TTC7B: variants seen among roughly 807,000 people sequenced by gnomAD.
TTC7B encodes the protein tetratricopeptide repeat protein 7B.
A neutral mutation model predicts 106.8 loss-of-function variants in TTC7B; 28 were observed. The observed-to-expected ratio is 0.26, with a 90% CI of 0.19 to 0.36. The LOEUF is 0.36. Among genes scored for constraint, TTC7B ranks in the 10% least tolerant of loss-of-function variants. The probability of loss-of-function intolerance (pLI) is 1.00; values close to 1 mark genes in which losing one functional copy is unlikely to be tolerated. For missense variants in TTC7B, 862 were observed against 1,076.4 expected (o/e 0.80, Z 2.79); for synonymous variants, 405 against 430.6 (o/e 0.94, Z 0.74).
At chr14:90,696,120 G>A (rs1423170708) in intron 5 of TTC7B, among the ~76,000 whole-genome samples, 1 of 152,094 alleles carries the variant, frequency 6.6e-6, no homozygotes, top group Non-Finnish European at 1.5e-5. Flanking sequence ...CCACACTGAC[G>A]AAAAAGAAGC....
intron 1 of TTC7B, among the ~76,000 whole-genome samples, chr14:90,790,369 T>A (rs1891544004): frequency 6.6e-6 from 1 of 151,948 alleles, no homozygotes; most frequent in African/African-American, 2.4e-5. Context: ...TACTTCTGAG[T>A]GGTAAGACTA....
chr14:90,742,512 T>C lies in TTC7B; in HGVS notation c.576+2280A>G, dbSNP rs995995897. Among the ~76,000 whole-genome samples, 1 of 152,168 alleles carries C rather than the reference T, an allele frequency of 6.6e-6. No individual in the cohort carries two copies. Among genetic ancestry groups the C allele is most frequent in the Admixed American group, 6.5e-5 (1 of 15,272 alleles). On this transcript the variant is annotated intron_variant, in intron 4 of 19. Coordinates refer to ENST00000328459, the MANE Select transcript of TTC7B (RefSeq NM_001010854.2). The surrounding 1 kb of genome is among the most constrained non-coding windows in gnomAD (Gnocchi z 4.1). ...TGAGCACTTTCTCTAAGTAAGAGTG[T>C]GGAGAAATGTCATGCTTTTTCTTTG... is the stretch of plus-strand genomic sequence containing the variant.
rs1364170982 is a variant in TTC7B, at chr14:90,600,060, G to A, written c.1967-6434C>T. On this transcript the variant is annotated intron_variant, in intron 17 of 19. Coordinates refer to ENST00000328459, the MANE Select transcript of TTC7B (RefSeq NM_001010854.2). This position sits in a 1 kb window ranked among gnomAD's most constrained non-coding sequence, Gnocchi z 4.3. ...TGTGCTTGAAGAACCAGAATGTCCT[G>A]GGGGCTGAGGACGGGAGGAGGCGAA... Among the ~76,000 whole-genome samples, 1 of 152,196 alleles carries A rather than the reference G, an allele frequency of 6.6e-6. No homozygotes were observed. Among genetic ancestry groups the A allele is most frequent in the East Asian group, 1.9e-4 (1 of 5,196 alleles).
At chr14:90,800,068 G>A (rs142910139) in intron 1 of TTC7B, among the ~76,000 whole-genome samples, 2,542 of 152,114 alleles carry the variant, frequency 0.017, 40 homozygotes, top group Middle Eastern at 0.031. Flanking sequence ...TCCTGACCTC[G>A]TGATCCACCC....
chr14:90,790,910 C>T (rs2140045578), intron 1 of TTC7B, among the ~76,000 whole-genome samples: 1 of 152,220 alleles, frequency 6.6e-6, no homozygotes, highest in Non-Finnish European at 1.5e-5. Flanking sequence ...AGGAACAGCA[C>T]AACCAAAGCC....
In TTC7B at chr14:90,759,137, T is replaced by TCCCACTCCGA. The variant is rs149285425; in HGVS notation, c.446-14225_446-14216dup. Among the ~76,000 whole-genome samples the TCCCACTCCGA allele has an allele frequency of 0.018, 2,679 of 152,016 alleles. 35 individuals are homozygous for TCCCACTCCGA. Among genetic ancestry groups the TCCCACTCCGA allele is most frequent in the East Asian group, 0.065 (334 of 5,136 alleles). On this transcript the variant is annotated intron_variant, in intron 3 of 19. Transcript: ENST00000328459. The surrounding 1 kb of genome is among the most constrained non-coding windows in gnomAD (Gnocchi z 4.1). Reference sequence around the variant, plus strand: ...CCCCAGCTTCCTTCCTGCTCTTCTGTCCCACTCCGACCCACTCCGGAGAGC... The same window carrying TCCCACTCCGA: ...CCCCAGCTTCCTTCCTGCTCTTCTGTCCCACTCCGACCCACTCCGACCCACTCCGGAGAGC...
At chr14:90,619,545 G>C (rs1362154425) in intron 15 of TTC7B, among the ~76,000 whole-genome samples, 1 of 152,176 alleles carries the variant, frequency 6.6e-6, no homozygotes, top group Non-Finnish European at 1.5e-5. Flanking sequence ...CATATTAGCT[G>C]GCATTTGTTG....
chr14:90,756,247 A>G (rs996483574), intron 3 of TTC7B, among the ~76,000 whole-genome samples: 3 of 152,298 alleles, frequency 2.0e-5, no homozygotes, highest in Middle Eastern at 3.4e-3. Flanking sequence ...CTAGGCACCA[A>G]CTGCGGGCAG....
Position 90,608,189 on chromosome 14 carries a change from G to A in TTC7B, c.1966+2553C>T, listed in dbSNP as rs1892725732. Among the ~76,000 whole-genome samples, 1 of 152,182 alleles carries A rather than the reference G, an allele frequency of 6.6e-6. No individual in the cohort carries two copies. The highest frequency in any genetic ancestry group is 2.4e-5 in the African/African-American group (1 of 41,430). ...CAACTGGGCTTTATTAATCAAGATG[G>A]AGGCATTTTTCCCCATTTTTAGGCA... On this transcript the variant is annotated intron_variant, in intron 17 of 19. Transcript: ENST00000328459. This position sits in a 1 kb window ranked among gnomAD's most constrained non-coding sequence, Gnocchi z 5.1.
At position 90,528,982 on chromosome 14, in the gene TTC7B, CCT is replaced by C. The variant is rs1284621232; in HGVS notation, c.*12384_*12385del. On this transcript the variant is annotated 3_prime_UTR_variant, in exon 20 of 20. Transcript: ENST00000328459. ...ATGGTGTGACCTGACTGCTTTGTTA[CCT>C]GTTTCCAATGGCGTGACCTGACTGA... is the stretch of plus-strand genomic sequence containing the variant. 1 of 154,574 alleles carries C rather than the reference CCT, an allele frequency of 6.5e-6. No individual in the cohort carries two copies. The highest frequency in any genetic ancestry group is 1.4e-5 in the Non-Finnish European group (1 of 70,182). The allele number at this position is 154,574 out of a possible 1,614,324, so 9.6% of individuals were successfully genotyped here.
rs1411971283 is a variant in TTC7B, at chr14:90,745,481, T to G, written c.446-559A>C. Among the ~76,000 whole-genome samples the G allele has an allele frequency of 3.3e-5, 5 of 152,116 alleles. No individual in the cohort carries two copies. In the East Asian group the frequency reaches 9.6e-4, roughly 29 times the overall value. On this transcript the variant is annotated intron_variant, in intron 3 of 19. Transcript: ENST00000328459. The stretch of plus-strand genomic sequence containing the variant: ...CTTCTACACCAGTTTTGCTGAGAGT[T>G]TCTATTAAGAATCAATGTTGGATTT...
At chr14:90,695,403 CAT>C (rs1428689227) in intron 6 of TTC7B, 95 bp downstream of exon 6, 2 of 505,554 alleles carry the variant, frequency 4.0e-6, no homozygotes, top group African/African-American at 2.3e-5. Flanking sequence ...ATATATGTCA[CAT>C]ATATTTATAA....
chr14:90,563,413 AC>A (rs1187943907), intron 19 of TTC7B, among the ~76,000 whole-genome samples: 1 of 152,218 alleles, frequency 6.6e-6, no homozygotes, highest in Non-Finnish European at 1.5e-5. Context: ...TATACCTAAA[AC>A]AAGTGCATAA....
At chr14:90,643,911 A>G in intron 15 of TTC7B, 137 bp downstream of exon 15, 2 of 1,127,472 alleles carry the variant, frequency 1.8e-6, no homozygotes, top group Non-Finnish European at 2.6e-6. Context: ...TCAGGAAAAA[A>G]TAACAGTAAA....
intron 5 of TTC7B, among the ~76,000 whole-genome samples, chr14:90,717,027 G>C (rs60080530): frequency 6.6e-6 from 1 of 152,084 alleles, no homozygotes; most frequent in South Asian, 2.1e-4. Context: ...GAGGAAGGTG[G>C]AAAAAACAAA....
At chr14:90,613,255 C>G (rs1892944137) in intron 16 of TTC7B, among the ~76,000 whole-genome samples, 1 of 152,010 alleles carries the variant, frequency 6.6e-6, no homozygotes, top group Admixed American at 6.6e-5. Context: ...ATTAGCCAGG[C>G]TTGGCGGCAT....
intron 3 of TTC7B, among the ~76,000 whole-genome samples, chr14:90,765,685 A>C (rs1196095821): frequency 6.6e-6 from 1 of 152,202 alleles, no homozygotes; most frequent in African/African-American, 2.4e-5. Context: ...TTCAGCTTTT[A>C]GCATAGTAGA....
chr14:90,741,029 C>G (rs935884750), intron 4 of TTC7B, among the ~76,000 whole-genome samples: 1 of 152,154 alleles, frequency 6.6e-6, no homozygotes, highest in Non-Finnish European at 1.5e-5. Context: ...GTTTTACAGA[C>G]GAGGATCCTG....
Position 90,618,033 on chromosome 14 carries a change from G to T in TTC7B, c.1764C>A (p.Ser588=). The change falls in exon 16 of 20, where the codon TCC becomes TCA. Residue 588 remains serine (S), a synonymous_variant. Coordinates refer to ENST00000328459, the MANE Select transcript of TTC7B (RefSeq NM_001010854.2). ...GGCAGAGTGACTGCAACTTCACTTT[G>T]GAAAACAGTAGTCTGCAGTGGGGAG... ...EYPENFILLF[S]KVKLQSLCRG... 1.9e-6 allele frequency: 3 copies of T among 1,613,268 alleles called. No homozygotes were observed. Among genetic ancestry groups the T allele is most frequent in the Non-Finnish European group, 2.5e-6 (3 of 1,179,196 alleles).
Sources: gnomAD v4.1 joint callset for allele counts (sites outside exome capture counted in the v4.1 genomes callset) on GRCh38, gnomAD v4.1.1 for gene constraint, Gnocchi (gnomAD v3.1) non-coding constraint, MANE v1.5 for transcripts, NCBI Gene and HGNC (gene_info 2026-07-23, HGNC 2026-07-21) for gene names.